Variants in TCP11 observed in about 807,000 individuals in gnomAD.
TCP11 encodes T-complex protein 11 homolog.
TCP11 carries 34 observed loss-of-function variants against 45.0 expected under a neutral mutation model. The ratio of observed to expected loss-of-function variants is 0.76; its 90% confidence interval spans 0.57 to 1.01. The LOEUF is 1.01. TCP11 is among the 50% of genes least tolerant of loss of function. TCP11 has a pLI of 0.00. For synonymous variants in TCP11, 227 were observed against 227.0 expected (o/e 1.00, Z 0.00); for missense variants, 523 against 598.1 (o/e 0.87, Z 1.31).
chr6:35,140,917 CG>C, intron 1 of TCP11, 33 bp from the exon 2 acceptor site: 1 of 1,269,884 alleles, frequency 7.9e-7, no homozygotes, highest in South Asian at 1.7e-5. Context: ...TTGTTGGCGT[CG>C]GGGAAGGGGC....
intron 9 of TCP11, 136 bp from the exon 10 acceptor site, chr6:35,118,637 A>C: frequency 1.3e-6 from 1 of 772,594 alleles, no homozygotes; most frequent in Non-Finnish European, 2.0e-6. Context: ...AGATAATGAA[A>C]TTTGTTTTGT....
chr6:35,139,009 G>A (rs573226914), intron 2 of TCP11, among the ~76,000 whole-genome samples: 23 of 152,278 alleles, frequency 1.5e-4, no homozygotes, highest in Admixed American at 8.5e-4. Flanking sequence ...CCGACATGGT[G>A]AAACCCCGTC....
chr6:35,140,507 C>T (rs778043750), intron 2 of TCP11: 1 of 639,784 alleles, frequency 1.6e-6, no homozygotes, highest in South Asian at 1.5e-5. Flanking sequence ...TGAACCGACT[C>T]AGTCTCAAAT....
At chr6:35,128,926 A>G (rs1293469695) in intron 4 of TCP11, 136 bp downstream of exon 4, 2 of 1,132,012 alleles carry the variant, frequency 1.8e-6, no homozygotes, top group Non-Finnish European at 2.4e-6. Flanking sequence ...TGCTAAAATT[A>G]CTGTATGATT....
At chr6:35,132,319 T>G (rs1278803759) in intron 3 of TCP11, among the ~76,000 whole-genome samples, 2 of 152,216 alleles carry the variant, frequency 1.3e-5, no homozygotes, top group Non-Finnish European at 2.9e-5. Context: ...TTCATAGGCC[T>G]AACCTTCCTC....
chr6:35,140,990 T>A, intron 1 of TCP11, 106 bp from the exon 2 acceptor site: 1 of 1,376,334 alleles, frequency 7.3e-7, no homozygotes, highest in Middle Eastern at 1.9e-4. Flanking sequence ...CCTCAGGGTC[T>A]TGGGGGTGCT....
chr6:35,118,135 C>T lies in TCP11; in HGVS notation c.*134G>A. 1 of 716,476 alleles carries T rather than the reference C, an allele frequency of 1.4e-6. No individual in the cohort carries two copies. The highest frequency in any genetic ancestry group is 2.4e-6 in the Non-Finnish European group (1 of 414,604). The allele number at this position is 716,476 out of a possible 1,614,324, so 44.4% of individuals were successfully genotyped here. A position where few individuals can be genotyped will look rare whatever the true frequency, so the allele number is the denominator to read the frequency against. On this transcript the variant is annotated 3_prime_UTR_variant, in exon 10 of 10. Transcript: ENST00000311875. Reference sequence around the variant, plus strand: ...ACCAGTTGGTGTTTACATGCTTGATCCCTACAGCCTTGGTGTACTGGCTGC... The same window carrying T: ...ACCAGTTGGTGTTTACATGCTTGATTCCTACAGCCTTGGTGTACTGGCTGC...
At position 35,119,232 on chromosome 6, in the gene TCP11, A is replaced by G; in HGVS notation, c.1275T>C (p.Val425=). ...IAKKENCVCS[V]IDQRIHLFLK... is the part of the protein sequence containing the mutation. The stretch of plus-strand genomic sequence containing the variant: ...CTACCCCACAAGCATACTCACCAAT[A>G]ACACTGCAGACACAGTTCTCCTTCT... Residue 425 remains valine (V), a synonymous_variant, in exon 9 of 10, where the codon GTT becomes GTC. Coordinates refer to ENST00000311875, the MANE Select transcript of TCP11 (RefSeq NM_001370687.1). The G allele has an allele frequency of 6.2e-7, 1 of 1,614,048 alleles. No individual in the cohort carries two copies. Among genetic ancestry groups the G allele is most frequent in the Admixed American group, 1.7e-5 (1 of 60,026 alleles).
At chr6:35,129,414 C>T (rs545849898) in intron 3 of TCP11, among the ~76,000 whole-genome samples, 1 of 152,330 alleles carries the variant, frequency 6.6e-6, no homozygotes, top group South Asian at 2.1e-4. Context: ...CCAGAGCAGC[C>T]CTCTCTCTGC....
chr6:35,133,346 A>T (rs1780673284), intron 3 of TCP11, among the ~76,000 whole-genome samples: 1 of 151,662 alleles, frequency 6.6e-6, no homozygotes, highest in Non-Finnish European at 1.5e-5. Flanking sequence ...TTTGCTAATT[A>T]AAAAAAAATT....
intron 4 of TCP11, among the ~76,000 whole-genome samples, chr6:35,126,573 C>T (rs1004752113): frequency 2.0e-5 from 3 of 150,728 alleles, no homozygotes; most frequent in Non-Finnish European, 2.9e-5. Flanking sequence ...GACTCAATTA[C>T]AGCATTAGGT....
rs575420585 is a variant in TCP11 at position 35,133,824 on chromosome 6, CCA to C, written c.236+2281_236+2282del. ...AAAAAAATCTGACACTGAAATTTAC[CCA>C]CTTAATTGTCAATAAACCAGCAGAG... On this transcript the variant is annotated intron_variant, in intron 3 of 9. Coordinates refer to ENST00000311875, the MANE Select transcript of TCP11 (RefSeq NM_001370687.1). Among the ~76,000 whole-genome samples, 5 of 152,150 alleles carry C rather than the reference CCA, an allele frequency of 3.3e-5. No individual in the cohort carries two copies. The South Asian group carries it at 1.0e-3, about 32-fold the overall frequency.
chr6:35,131,333 C>T (rs1410622910), intron 3 of TCP11, among the ~76,000 whole-genome samples: 5 of 151,920 alleles, frequency 3.3e-5, no homozygotes, highest in Non-Finnish European at 7.4e-5. Context: ...TTTGGGGGGC[C>T]GAGGCGGGCG....
intron 4 of TCP11, among the ~76,000 whole-genome samples, chr6:35,126,945 A>C (rs1048747531): frequency 6.6e-6 from 1 of 152,132 alleles, no homozygotes; most frequent in African/African-American, 2.4e-5. Flanking sequence ...GGTGTGAGCC[A>C]CTGTGCCTGG....
At chr6:35,134,750 G>T (rs1030108398) in intron 3 of TCP11, among the ~76,000 whole-genome samples, 11 of 151,666 alleles carry the variant, frequency 7.3e-5, no homozygotes, top group African/African-American at 2.7e-4. Flanking sequence ...TTGAATTCAC[G>T]GGATGCAGAG....
At position 35,135,095 on chromosome 6, in the gene TCP11, C is replaced by T. The variant is rs148808479; in HGVS notation, c.236+1012G>A. On this transcript the variant is annotated intron_variant, in intron 3 of 9. Coordinates refer to ENST00000311875, the MANE Select transcript of TCP11 (RefSeq NM_001370687.1). ...CTGGGAGGCAGAGGTTGCAGTGAGC[C>T]GAGATCGCGCCATTGCACTCCAGCC... 2.0e-3 allele frequency among the ~76,000 whole-genome samples: 298 copies of T among 150,704 alleles called. 1 individual carries two copies. The highest frequency in any genetic ancestry group is 5.8e-3 in the African/African-American group (238 of 40,928).
chr6:35,130,016 C>G (rs182009592), intron 3 of TCP11, among the ~76,000 whole-genome samples: 1 of 152,186 alleles, frequency 6.6e-6, no homozygotes, highest in East Asian at 1.9e-4. Flanking sequence ...CTCCAGGGCT[C>G]AAGAAATCCA....
At chr6:35,128,611 T>A (rs1244033232) in intron 4 of TCP11, 1 of 153,610 alleles carries the variant, frequency 6.5e-6, no homozygotes, top group Non-Finnish European at 1.4e-5. Context: ...AGAGCTTTTA[T>A]TCCCGGTTCT....
At chr6:35,140,965 G>GGC in intron 1 of TCP11, 81 bp from the exon 2 acceptor site, 3 of 1,288,072 alleles carry the variant, frequency 2.3e-6, no homozygotes, top group Non-Finnish European at 3.1e-6. Context: ...GGGGCGGCGG[G>GGC]AAGGGGGGTA....
Sources: allele counts gnomAD v4.1 joint callset (sites outside exome capture counted in the v4.1 genomes callset), GRCh38; gene constraint gnomAD v4.1.1; transcripts MANE v1.5; gene names NCBI Gene and HGNC (gene_info 2026-07-23, HGNC 2026-07-21).